ADAM10: variants seen among roughly 807,000 people sequenced by gnomAD.
ADAM10 encodes disintegrin and metalloproteinase domain-containing protein 10.
Under a neutral mutation model 90.1 loss-of-function variants are expected in ADAM10, and 17 were observed. The ratio of observed to expected loss-of-function variants is 0.19; its 90% CI spans 0.13 to 0.28. The LOEUF (loss-of-function observed/expected upper bound fraction) is 0.28, where lower values mean the gene tolerates loss of function less well. Ranked by LOEUF, ADAM10 falls within the 10% of genes least tolerant of loss-of-function variation. ADAM10 has a pLI of 1.00. For synonymous variants in ADAM10, 310 were observed against 298.6 expected, an observed-to-expected ratio of 1.04 and a Z score of -0.40; for missense variants, 610 against 914.3, an observed-to-expected ratio of 0.67 and a Z score of 4.29.
At chr15:58,704,658 G>T (rs192499792) in intron 2 of ADAM10, among the ~76,000 whole-genome samples, 12 of 152,306 alleles carry the variant, frequency 7.9e-5, no homozygotes, top group Admixed American at 7.8e-4. Context: ...AAGGGATTTG[G>T]TTGGGAAGAT....
At chr15:58,627,920 T>G (rs201431365) in intron 9 of ADAM10, 37 bp from the exon 10 acceptor site, 16 of 1,599,502 alleles carry the variant, frequency 1.0e-5, no homozygotes, top group Non-Finnish European at 1.3e-5. Context: ...AAACAGGAAG[T>G]AAAATAAGGT....
chr15:58,655,677 CATATAT>C (rs60720463), intron 5 of ADAM10, among the ~76,000 whole-genome samples: 2 of 72,470 alleles, frequency 2.8e-5, no homozygotes, highest in Non-Finnish European at 4.6e-5. Context: ...TACATACATA[CATATAT>C]ATATTATATA....
Position 58,610,341 on chromosome 15 carries a change from T to C in ADAM10, c.1981A>G (p.Ile661Val). ...TTTTCATAGAGCTCTGGACTAAAAA[T>C]TGCTTTTTTAAGCCTAGCTAGAGGA... ...DGPLARLKKA[I>V]FSPELYENIA... The change falls in exon 14 of 16, where the codon ATT becomes GTT. Residue 661 changes from isoleucine to valine, a missense_variant. Physicochemically the swap from Ile to Val is conservative, Grantham distance 29 (BLOSUM62 3). Transcript: ENST00000260408. 1 of 1,614,182 alleles carries C rather than the reference T, an allele frequency of 6.2e-7. No individual in the cohort carries two copies. Among genetic ancestry groups the C allele is most frequent in the Non-Finnish European group, 8.5e-7 (1 of 1,180,036 alleles).
At chr15:58,627,562 G>A (rs1895983447) in intron 10 of ADAM10, 138 bp downstream of exon 10, 2 of 714,766 alleles carry the variant, frequency 2.8e-6, no homozygotes, top group African/African-American at 1.8e-5. Flanking sequence ...AAGAAATAAC[G>A]AGATAAAGGG....
intron 5 of ADAM10, among the ~76,000 whole-genome samples, chr15:58,659,249 G>A (rs1211660786): frequency 1.3e-5 from 2 of 151,920 alleles, no homozygotes; most frequent in Non-Finnish European, 2.9e-5. Flanking sequence ...CTCCAGCCTG[G>A]GAGACAGAGC....
chr15:58,678,320 A>AG lies in ADAM10; in HGVS notation c.484+803dup, dbSNP rs35171010. Among the ~76,000 whole-genome samples the AG allele has an allele frequency of 5.5e-3, 843 of 152,292 alleles. 42 individuals carry two copies. The highest frequency in any genetic ancestry group is 0.051 in the Admixed American group (777 of 15,282). On this transcript the variant is annotated intron_variant, in intron 4 of 15. Transcript: ENST00000260408. ...GGTTAATGCTTGTCAGTGTATTACT[A>AG]GGGGTAAGAATAAAATCATTGACAA...
chr15:58,731,822 C>T (rs1899255742), intron 1 of ADAM10, among the ~76,000 whole-genome samples: 1 of 152,070 alleles, frequency 6.6e-6, no homozygotes, highest in East Asian at 1.9e-4. Flanking sequence ...AAAGCCCACC[C>T]CATGACATGT....
At chr15:58,667,412 A>T (rs1423903183) in intron 4 of ADAM10, among the ~76,000 whole-genome samples, 1 of 152,060 alleles carries the variant, frequency 6.6e-6, no homozygotes, top group Non-Finnish European at 1.5e-5. Flanking sequence ...TTGCACCCTC[A>T]CTACCTCCAA....
chr15:58,611,707 C>A, intron 12 of ADAM10, 101 bp downstream of exon 12: 1 of 1,150,638 alleles, frequency 8.7e-7, no homozygotes, highest in Non-Finnish European at 1.2e-6. Flanking sequence ...AAACAGAGAC[C>A]AAGATTAATT....
intron 1 of ADAM10, among the ~76,000 whole-genome samples, chr15:58,743,563 G>GCC (rs1167329893): frequency 6.6e-6 from 1 of 151,958 alleles, no homozygotes; most frequent in African/African-American, 2.4e-5. Flanking sequence ...AGTACCATAA[G>GCC]CCCCTGTCAT....
At position 58,597,565 on chromosome 15, in the gene ADAM10, C is replaced by T. The variant is rs1894992674; in HGVS notation, c.2229G>A (p.Met743Ile). The change falls in exon 16 of 16, where the codon ATG (methionine) becomes ATA (isoleucine). Residue 743 changes from methionine (M) to isoleucine (I), a missense_variant. Coordinates refer to ENST00000260408, the MANE Select transcript of ADAM10 (RefSeq NM_001110.4). ...GCTGCAGTTAGCGTCTCATGTGTCC[C>T]ATTTGATAACTCTCTCGGGGCCGCT... Reference protein sequence around the residue: ...QRQRPRESYQMGHMRR With the variant: ...QRQRPRESYQIGHMRR The T allele has an allele frequency of 6.2e-7, 1 of 1,613,930 alleles. No homozygotes were observed. Among genetic ancestry groups the T allele is most frequent in the African/African-American group, 1.3e-5 (1 of 74,876 alleles).
chr15:58,641,503 A>T (rs1896415360), intron 7 of ADAM10, among the ~76,000 whole-genome samples: 1 of 152,068 alleles, frequency 6.6e-6, no homozygotes, highest in Non-Finnish European at 1.5e-5. Flanking sequence ...CTAACTGCAA[A>T]TTTATTTTTT....
intron 4 of ADAM10, among the ~76,000 whole-genome samples, chr15:58,665,894 T>C (rs1897071424): frequency 6.7e-6 from 1 of 148,952 alleles, no homozygotes; most frequent in South Asian, 2.1e-4. Context: ...CATTCATTCA[T>C]CATCATTCAT....
At chr15:58,728,342 C>T (rs1899109619) in intron 1 of ADAM10, among the ~76,000 whole-genome samples, 2 of 152,132 alleles carry the variant, frequency 1.3e-5, no homozygotes, top group Admixed American at 1.3e-4. Context: ...GGTAGTTATA[C>T]AAGTAAATAT....
At chr15:58,617,475 ATAAG>A (rs1325566214) in intron 11 of ADAM10, among the ~76,000 whole-genome samples, 4 of 152,300 alleles carry the variant, frequency 2.6e-5, no homozygotes, top group African/African-American at 9.6e-5. Context: ...ACCAGGTAAA[ATAAG>A]TAAGAAAAAA....
intron 4 of ADAM10, among the ~76,000 whole-genome samples, chr15:58,665,954 T>C (rs1251058457): frequency 1.3e-5 from 2 of 151,938 alleles, no homozygotes; most frequent in African/African-American, 4.8e-5. Context: ...TCTCCAATGA[T>C]TTTTTCCTAC....
intron 8 of ADAM10, among the ~76,000 whole-genome samples, chr15:58,640,489 C>T (rs752241333): frequency 6.6e-6 from 1 of 151,934 alleles, no homozygotes; most frequent in Non-Finnish European, 1.5e-5. Flanking sequence ...AATTAAATTT[C>T]CCTTTGGGTT....
chr15:58,722,493 G>A (rs1274810929), intron 1 of ADAM10, among the ~76,000 whole-genome samples: 7 of 150,752 alleles, frequency 4.6e-5, no homozygotes, highest in Non-Finnish European at 1.0e-4. Flanking sequence ...CTATGATAAC[G>A]GCCAGTGCAC....
At chr15:58,713,319 T>C (rs1200420514) in intron 2 of ADAM10, among the ~76,000 whole-genome samples, 1 of 152,082 alleles carries the variant, frequency 6.6e-6, no homozygotes, top group Non-Finnish European at 1.5e-5. Context: ...TTGCCCAGAC[T>C]GGTCTCAAAC....
Sources: allele counts gnomAD v4.1 joint callset (sites outside exome capture counted in the v4.1 genomes callset), GRCh38; gene constraint gnomAD v4.1.1; transcripts MANE v1.5; gene names NCBI Gene and HGNC (gene_info 2026-07-23, HGNC 2026-07-21).